Variants in SPMAP2L observed in about 807,000 individuals in gnomAD.
The protein encoded by SPMAP2L is sperm microtubule associated protein 2 like, also known as sperm microtubule associated protein 2-like.
the SPMAP2L span, among the ~76,000 whole-genome samples, chr4:56,587,827 G>A: frequency 6.6e-6 from 1 of 152,182 alleles, no homozygotes; most frequent in African/African-American, 2.4e-5. Context: ...CCTCTGGGTG[G>A]ATACCCAGCA....
chr4:56,578,473 T>C, the SPMAP2L span, among the ~76,000 whole-genome samples: 10 of 152,170 alleles, frequency 6.6e-5, no homozygotes, highest in South Asian at 2.1e-3. Flanking sequence ...ATGGCAGGCA[T>C]AAATATTACC....
At chr4:56,550,929 G>C in the SPMAP2L span, among the ~76,000 whole-genome samples, 2 of 149,748 alleles carry the variant, frequency 1.3e-5, no homozygotes, top group South Asian at 2.2e-4. Flanking sequence ...CTCCAGCGTG[G>C]GGAACATAGT....
chr4:56,544,487 A>G, the SPMAP2L span, among the ~76,000 whole-genome samples: 2 of 152,318 alleles, frequency 1.3e-5, no homozygotes, highest in Admixed American at 1.3e-4. Flanking sequence ...GTTTCATGCA[A>G]CACAAATCAG....
At chr4:56,612,868 G>A in the SPMAP2L span, among the ~76,000 whole-genome samples, 2 of 151,940 alleles carry the variant, frequency 1.3e-5, no homozygotes, top group African/African-American at 4.8e-5. Context: ...CGCCCGGCCT[G>A]CTAACCTTTT....
At chr4:56,591,599 A>C in the SPMAP2L span, among the ~76,000 whole-genome samples, 23 of 152,364 alleles carry the variant, frequency 1.5e-4, 1 homozygote, top group Admixed American at 1.3e-3. Flanking sequence ...TCATCATCAT[A>C]ATAATCATCA....
At chr4:56,622,821 G>A in the SPMAP2L span, among the ~76,000 whole-genome samples, 1 of 152,142 alleles carries the variant, frequency 6.6e-6, no homozygotes, top group Non-Finnish European at 1.5e-5. Context: ...TGTATGAAAA[G>A]CATGACTTTA....
the SPMAP2L span, among the ~76,000 whole-genome samples, chr4:56,539,533 T>C: frequency 6.6e-6 from 1 of 152,206 alleles, no homozygotes; most frequent in African/African-American, 2.4e-5. Flanking sequence ...GCGATTCTCC[T>C]GCCTCAGCCT....
At chr4:56,618,164 C>A in the SPMAP2L span, among the ~76,000 whole-genome samples, 1 of 152,212 alleles carries the variant, frequency 6.6e-6, no homozygotes, top group East Asian at 1.9e-4. Context: ...ACACCCTCCT[C>A]TACCCAGCAT....
At chr4:56,546,438 G>A in the SPMAP2L span, among the ~76,000 whole-genome samples, 1 of 152,170 alleles carries the variant, frequency 6.6e-6, no homozygotes, top group Non-Finnish European at 1.5e-5. Flanking sequence ...CTTCCCCAGA[G>A]ATTGTGACTT....
chr4:56,565,808 A>C, the SPMAP2L span, among the ~76,000 whole-genome samples: 2 of 152,240 alleles, frequency 1.3e-5, no homozygotes, highest in Non-Finnish European at 1.5e-5. Flanking sequence ...AAGCATTTTG[A>C]ATAAGGGATA....
At chr4:56,618,418 A>G in the SPMAP2L span, among the ~76,000 whole-genome samples, 1 of 152,178 alleles carries the variant, frequency 6.6e-6, no homozygotes, top group African/African-American at 2.4e-5. Context: ...CATACCCAAG[A>G]CTGAATAATT....
chr4:56,541,185 T>A, the SPMAP2L span, among the ~76,000 whole-genome samples: 1 of 152,332 alleles, frequency 6.6e-6, no homozygotes, highest in African/African-American at 2.4e-5. Context: ...ATTGCCAAAG[T>A]GCAATTACTG....
At chr4:56,569,594 G>A in the SPMAP2L span, among the ~76,000 whole-genome samples, 4,244 of 152,172 alleles carry the variant, frequency 0.028, 81 homozygotes, top group Middle Eastern at 0.088. Flanking sequence ...TGGATCACTC[G>A]AGGTCAGGAG....
At chr4:56,562,060 A>G in the SPMAP2L span, among the ~76,000 whole-genome samples, 2 of 152,138 alleles carry the variant, frequency 1.3e-5, no homozygotes, top group African/African-American at 4.8e-5. Context: ...TGGTGGAGGC[A>G]AACAAACATA....
the SPMAP2L span, chr4:56,557,673 A>G: frequency 6.6e-6 from 1 of 152,212 alleles, no homozygotes; most frequent in Non-Finnish European, 1.5e-5. Flanking sequence ...GAATCCTTCT[A>G]GTTCCATTAT....
At chr4:56,583,951 A>G in the SPMAP2L span, among the ~76,000 whole-genome samples, 2 of 152,016 alleles carry the variant, frequency 1.3e-5, no homozygotes, top group African/African-American at 2.4e-5. Context: ...CATATACTGT[A>G]TCACAATATA....
the SPMAP2L span, chr4:56,593,981 T>C: frequency 6.2e-7 from 1 of 1,610,352 alleles, no homozygotes; most frequent in South Asian, 1.1e-5. Flanking sequence ...GAAGATTCAG[T>C]GTGGCTGCTC....
chr4:56,554,087 T>G, the SPMAP2L span, among the ~76,000 whole-genome samples: 47 of 152,308 alleles, frequency 3.1e-4, no homozygotes, highest in African/African-American at 1.0e-3. Context: ...TATCATAGAT[T>G]ATCCATTTAC....
the SPMAP2L span, among the ~76,000 whole-genome samples, chr4:56,563,832 G>T: frequency 6.6e-6 from 1 of 151,980 alleles, no homozygotes; most frequent in Non-Finnish European, 1.5e-5. Context: ...TGTCCGTGAG[G>T]GATATCGATT....
Sources: allele counts gnomAD v4.1 joint callset (sites outside exome capture counted in the v4.1 genomes callset), GRCh38; gene constraint gnomAD v4.1.1; transcripts MANE v1.5; gene names NCBI Gene and HGNC (gene_info 2026-07-23, HGNC 2026-07-21).